Variants in HS3ST5 observed in about 807,000 individuals in gnomAD.
HS3ST5 encodes the protein heparan sulfate-glucosamine 3-sulfotransferase 5.
A neutral mutation model predicts 25.4 loss-of-function variants in HS3ST5; 10 were observed. That is an observed-to-expected ratio of 0.39 (90% CI 0.24 to 0.67). The LOEUF is 0.67. Ranked by LOEUF, HS3ST5 falls within the 30% of genes least tolerant of loss-of-function variation. The pLI is 0.44. For synonymous variants in HS3ST5, 170 were observed against 162.4 expected (o/e 1.05, Z -0.36); for missense variants, 324 against 420.7 (o/e 0.77, Z 2.01).
chr6:114,058,282 T>A (rs1772894330), intron 4 of HS3ST5, 92 bp from the exon 5 acceptor site: 4 of 915,556 alleles, frequency 4.4e-6, no homozygotes, highest in Admixed American at 2.8e-5. Flanking sequence ...AATGCATAAA[T>A]AAAGCCACTG....
At chr6:114,103,936 C>T (rs1224033158) in intron 3 of HS3ST5, among the ~76,000 whole-genome samples, 2 of 147,448 alleles carry the variant, frequency 1.4e-5, no homozygotes, top group Non-Finnish European at 3.0e-5. Flanking sequence ...CTCCTGACCT[C>T]GTGATCCGCC....
chr6:114,077,141 A>G (rs901888363), intron 3 of HS3ST5, among the ~76,000 whole-genome samples: 9 of 152,166 alleles, frequency 5.9e-5, no homozygotes, highest in Non-Finnish European at 1.2e-4. Flanking sequence ...AGCTCCCGTT[A>G]TTGCATCAGC....
At chr6:114,332,759 G>A (rs1360745586) in intron 1 of HS3ST5, among the ~76,000 whole-genome samples, 1 of 152,064 alleles carries the variant, frequency 6.6e-6, no homozygotes, top group Non-Finnish European at 1.5e-5. Flanking sequence ...AGGTGGGTGA[G>A]CTACATAGAA....
At chr6:114,243,114 C>A (rs1772217154) in intron 1 of HS3ST5, among the ~76,000 whole-genome samples, 2 of 152,158 alleles carry the variant, frequency 1.3e-5, no homozygotes, top group South Asian at 4.1e-4. Flanking sequence ...CCAGCCTAAT[C>A]CCCAGCTGAC....
At chr6:114,309,459 T>C (rs1775439485) in intron 1 of HS3ST5, among the ~76,000 whole-genome samples, 1 of 152,250 alleles carries the variant, frequency 6.6e-6, no homozygotes, top group Non-Finnish European at 1.5e-5. Context: ...ACACCTATAA[T>C]GCCAGCACTT....
chr6:114,325,563 C>T (rs368439803), intron 1 of HS3ST5, among the ~76,000 whole-genome samples: 1 of 152,056 alleles, frequency 6.6e-6, no homozygotes, highest in Admixed American at 6.6e-5. Context: ...TTCTTGCATC[C>T]TAATATTCAA....
chr6:114,200,881 T>C (rs1177754649), intron 2 of HS3ST5, among the ~76,000 whole-genome samples: 1 of 152,178 alleles, frequency 6.6e-6, no homozygotes, highest in African/African-American at 2.4e-5. Flanking sequence ...AAAAAATGAT[T>C]CATCAATTCT....
chr6:114,272,320 C>A (rs1162008693), intron 1 of HS3ST5, among the ~76,000 whole-genome samples: 2 of 152,080 alleles, frequency 1.3e-5, no homozygotes, highest in Admixed American at 6.6e-5. Context: ...TGGATGATCA[C>A]CTTGACATTG....
At chr6:114,280,316 G>T (rs111561761) in intron 1 of HS3ST5, among the ~76,000 whole-genome samples, 2,261 of 152,048 alleles carry the variant, frequency 0.015, 25 homozygotes, top group Non-Finnish European at 0.024. Context: ...TGGCAGCCAT[G>T]AAAGTTAAGA....
At chr6:114,176,612 G>T (rs759263516) in intron 2 of HS3ST5, among the ~76,000 whole-genome samples, 4 of 152,114 alleles carry the variant, frequency 2.6e-5, no homozygotes, top group African/African-American at 7.2e-5. Context: ...ACTCCATGGG[G>T]TTGCGGCTGG....
rs1771648672 is a variant in HS3ST5, at chr6:114,232,553, C to A, written c.-338-3775G>T. Among the ~76,000 whole-genome samples the A allele has an allele frequency of 2.0e-5, 3 of 152,148 alleles. No individual in the cohort carries two copies. The South Asian group carries it at 6.2e-4, about 31-fold the overall frequency. On this transcript the variant is annotated intron_variant, in intron 1 of 4. Coordinates refer to ENST00000312719, the MANE Select transcript of HS3ST5 (RefSeq NM_153612.4). ...TTCAACGTTTTGAAGACTCTCCAAA[C>A]TGAATGTGTTTATAACTAAATCCAT... is the stretch of plus-strand genomic sequence containing the variant.
At chr6:114,311,468 T>C (rs75578148) in intron 1 of HS3ST5, among the ~76,000 whole-genome samples, 1,855 of 151,360 alleles carry the variant, frequency 0.012, 48 homozygotes, top group African/African-American at 0.043. Flanking sequence ...ATATTAAATA[T>C]AAAGCTATTT....
At chr6:114,262,264 G>A (rs1773205910) in intron 1 of HS3ST5, among the ~76,000 whole-genome samples, 5 of 152,106 alleles carry the variant, frequency 3.3e-5, no homozygotes, top group Admixed American at 3.3e-4. Flanking sequence ...ATATTTCATA[G>A]CGGCTGGGCG....
chr6:114,161,831 A>G (rs1035028387), intron 3 of HS3ST5, among the ~76,000 whole-genome samples: 69 of 151,738 alleles, frequency 4.5e-4, no homozygotes, highest in African/African-American at 1.6e-3. Context: ...TTATACAAAT[A>G]TATTTTGAAG....
At chr6:114,324,771 T>C (rs553074881) in intron 1 of HS3ST5, among the ~76,000 whole-genome samples, 7 of 152,200 alleles carry the variant, frequency 4.6e-5, no homozygotes, top group South Asian at 2.1e-4. Flanking sequence ...TTCAGGTGCA[T>C]TCAGATGGAC....
intron 1 of HS3ST5, among the ~76,000 whole-genome samples, chr6:114,231,899 C>T (rs1771612213): frequency 1.3e-5 from 2 of 151,998 alleles, no homozygotes; most frequent in Non-Finnish European, 2.9e-5. Flanking sequence ...GGAAACAGAG[C>T]TGAGAAACAG....
intron 2 of HS3ST5, among the ~76,000 whole-genome samples, chr6:114,205,892 G>A (rs1474232372): frequency 1.3e-5 from 2 of 152,136 alleles, no homozygotes; most frequent in Non-Finnish European, 2.9e-5. Context: ...TGGAGCTCAG[G>A]AGGTAATGTT....
chr6:114,258,177 C>T (rs1008908964), intron 1 of HS3ST5, among the ~76,000 whole-genome samples: 4 of 152,102 alleles, frequency 2.6e-5, no homozygotes, highest in Admixed American at 6.5e-5. Context: ...TCCTTATTCA[C>T]AAATAAAAGA....
intron 1 of HS3ST5, among the ~76,000 whole-genome samples, chr6:114,278,136 A>G (rs1241207927): frequency 6.6e-6 from 1 of 151,944 alleles, no homozygotes; most frequent in Non-Finnish European, 1.5e-5. Flanking sequence ...GAGGAAACCC[A>G]AAAGGGGCAA....
Sources: gnomAD v4.1 joint callset for allele counts (sites outside exome capture counted in the v4.1 genomes callset) on GRCh38, gnomAD v4.1.1 for gene constraint, MANE v1.5 for transcripts, NCBI Gene and HGNC (gene_info 2026-07-23, HGNC 2026-07-21) for gene names.